The following IPO5 variants were observed in gnomAD, a reference collection of about 807,000 sequenced individuals.
IPO5 encodes the protein importin 5, also known as importin-5.
Under a neutral mutation model 143.3 loss-of-function variants are expected in IPO5, and 18 were observed. That is an observed-to-expected ratio of 0.13 (90% CI 0.09 to 0.19). IPO5 has a LOEUF of 0.19. Ranked by LOEUF, IPO5 falls within the 10% of genes least tolerant of loss-of-function variation. The probability of loss-of-function intolerance (pLI) is 1.00; values close to 1 mark genes in which losing one functional copy is unlikely to be tolerated. For missense variants in IPO5, 1,013 were observed against 1,336.9 expected (o/e 0.76, Z 3.78); for synonymous variants, 477 against 465.7 (o/e 1.02, Z -0.31).
At chr13:97,990,358 A>T (rs1887706462) in intron 8 of IPO5, 75 bp from the exon 9 acceptor site, 1 of 1,242,676 alleles carries the variant, frequency 8.0e-7, no homozygotes, top group Non-Finnish European at 1.2e-6. Context: ...GAATAATTTG[A>T]TCTTGAGTAA....
chr13:98,002,224 C>G, intron 13 of IPO5: 1 of 255,872 alleles, frequency 3.9e-6, no homozygotes. Context: ...ACCACGTTAA[C>G]CAGGATGGTC....
At position 98,021,062 on chromosome 13, in the gene IPO5, G is replaced by A; in HGVS notation, c.3136G>A (p.Glu1046Lys). 1 of 1,612,108 alleles carries A rather than the reference G, an allele frequency of 6.2e-7. No individual in the cohort carries two copies. The highest frequency in any genetic ancestry group is 1.1e-5 in the South Asian group (1 of 90,646). ...PKIFSIIAEG[E>K]MHEAIKHEDP... ...AATATTTAGTATAATTGCGGAAGGA[G>A]AAATGCACGAGGCAATTAAACATGA... Residue 1046 changes from glutamate (E) to lysine (K), a missense_variant, in exon 28 of 29, where the codon GAA becomes AAA. This residue lies in a region of IPO5 where 685 missense variants were observed against 994.9 expected (regional missense o/e 0.69). Transcript: ENST00000651721.
intron 5 of IPO5, 127 bp downstream of exon 5, chr13:97,982,710 T>C (rs531471643): frequency 5.9e-5 from 39 of 661,450 alleles, no homozygotes; most frequent in South Asian, 5.8e-4. Flanking sequence ...TTTGTACTTA[T>C]TATTTGCTAA....
Position 97,976,700 on chromosome 13 carries a change from G to A in IPO5, c.4G>A (p.Ala2Thr). 1 of 1,379,888 alleles carries A rather than the reference G, an allele frequency of 7.2e-7. No individual in the cohort carries two copies. The highest frequency in any genetic ancestry group is 9.6e-7 in the Non-Finnish European group (1 of 1,039,448). 85.5% of individuals were successfully genotyped at this position (1,379,888 alleles called of 1,614,324 possible). The change falls in exon 4 of 29, where the codon GCG (alanine) becomes ACG (threonine). Residue 2 changes from alanine to threonine, a missense_variant. By Grantham distance (58) the Ala-to-Thr change is moderately conservative (BLOSUM62 0). Transcript: ENST00000651721. The stretch of plus-strand genomic sequence containing the variant: ...CTTCTCTCTCACGCCTAGCGCAATG[G>A]CGGCGGCCGCGGCGGAGCAGCAACA... M[A>T]AAAAEQQQFY...
intron 12 of IPO5, among the ~76,000 whole-genome samples, chr13:97,998,303 C>G (rs1352049786): frequency 2.0e-5 from 3 of 152,164 alleles, no homozygotes; most frequent in African/African-American, 7.2e-5. Flanking sequence ...CTGTCGTACT[C>G]TAAATTATTT....
At chr13:97,979,773 C>T (rs992919675) in intron 4 of IPO5, 4 of 408,726 alleles carry the variant, frequency 9.8e-6, no homozygotes, top group Non-Finnish European at 2.0e-5. Context: ...CTCAAGTGAT[C>T]CTCCCATCTC....
At position 98,018,591 on chromosome 13, in the gene IPO5, G is replaced by A. The variant is rs1890270026; in HGVS notation, c.2723G>A (p.Arg908Lys). 6.2e-7 allele frequency: 1 copy of A among 1,614,000 alleles called. No individual in the cohort carries two copies. Among genetic ancestry groups the A allele is most frequent in the Non-Finnish European group, 8.5e-7 (1 of 1,179,996 alleles). Reference protein sequence around the residue: ...ASFKYAEYFLRPMLQYVCDNS... With the variant: ...ASFKYAEYFLKPMLQYVCDNS... ...TTTAAATACGCAGAATATTTCTTAA[G>A]ACCAATGCTCCAATATGTATGTGAC... is the stretch of plus-strand genomic sequence containing the variant. Residue 908 changes from arginine (R) to lysine (K), a missense_variant, in exon 26 of 29, where the codon AGA becomes AAA. Around this residue, in one of 2 missense-constraint regions of IPO5, gnomAD observed 685 missense variants for 994.9 expected, o/e 0.69. Coordinates refer to ENST00000651721, the MANE Select transcript of IPO5 (RefSeq NM_002271.6).
chr13:97,964,142 C>A (rs1172028591), intron 2 of IPO5, among the ~76,000 whole-genome samples: 2 of 152,124 alleles, frequency 1.3e-5, no homozygotes, highest in Non-Finnish European at 2.9e-5. Context: ...ATTCTGTAGG[C>A]TGCCTGTTCA....
At chr13:97,985,050 G>A (rs778768776) in intron 5 of IPO5, among the ~76,000 whole-genome samples, 1 of 152,148 alleles carries the variant, frequency 6.6e-6, no homozygotes, top group Non-Finnish European at 1.5e-5. Flanking sequence ...GGTGGGAAAG[G>A]CGCTTGATAT....
At chr13:97,997,505 G>C in intron 11 of IPO5, 26 bp from the exon 12 acceptor site, 2 of 1,323,990 alleles carry the variant, frequency 1.5e-6, no homozygotes, top group East Asian at 4.7e-5. Context: ...CACAGTCTTC[G>C]GGTATGAAAT....
chr13:97,983,842 T>C (rs1312444187), intron 5 of IPO5, among the ~76,000 whole-genome samples: 1 of 151,674 alleles, frequency 6.6e-6, no homozygotes, highest in Non-Finnish European at 1.5e-5. Flanking sequence ...TTAAAAGCCA[T>C]ATAAAAGTAT....
intron 26 of IPO5, among the ~76,000 whole-genome samples, 169 bp from the exon 27 acceptor site, chr13:98,019,412 C>A (rs1890335363): frequency 6.6e-6 from 1 of 152,164 alleles, no homozygotes; most frequent in African/African-American, 2.4e-5. Flanking sequence ...CTGGGGCAGT[C>A]CCCCCTCTGT....
intron 6 of IPO5, among the ~76,000 whole-genome samples, chr13:97,988,633 C>T (rs1887571219): frequency 6.6e-6 from 1 of 152,150 alleles, no homozygotes; most frequent in South Asian, 2.1e-4. Flanking sequence ...ACTAAAAATA[C>T]AAAAATTAGT....
At chr13:97,982,330 T>C (rs559210537) in intron 4 of IPO5, among the ~76,000 whole-genome samples, 173 bp from the exon 5 acceptor site, 2 of 152,372 alleles carry the variant, frequency 1.3e-5, no homozygotes, top group East Asian at 3.9e-4. Flanking sequence ...AGTAACCCTT[T>C]GGACATCTCT....
At chr13:97,983,552 C>T (rs1297715059) in intron 5 of IPO5, among the ~76,000 whole-genome samples, 1 of 118,108 alleles carries the variant, frequency 8.5e-6, no homozygotes, top group African/African-American at 3.2e-5. Context: ...CCCCCCCCAC[C>T]GTCCCCCCGA....
At chr13:97,962,245 T>C (rs771132331) in intron 2 of IPO5, among the ~76,000 whole-genome samples, 1 of 152,242 alleles carries the variant, frequency 6.6e-6, no homozygotes, top group Non-Finnish European at 1.5e-5. Context: ...AATGTATCCA[T>C]TTTTCTCTTC....
chr13:98,005,041 G>C (rs569210500), intron 16 of IPO5, among the ~76,000 whole-genome samples: 2 of 151,860 alleles, frequency 1.3e-5, no homozygotes, highest in African/African-American at 2.4e-5. Context: ...GATTACAGAC[G>C]TGCACCCACC....
Position 97,993,213 on chromosome 13 carries a change from G to A in IPO5, c.901G>A (p.Val301Ile). 1 of 1,613,940 alleles carries A rather than the reference G, an allele frequency of 6.2e-7. No homozygotes were observed. The highest frequency in any genetic ancestry group is 8.5e-7 in the Non-Finnish European group (1 of 1,179,964). The change falls in exon 11 of 29, where the codon GTT (valine) becomes ATT (isoleucine). Residue 301 changes from valine to isoleucine, a missense_variant. Transcript: ENST00000651721. ...AAMLRKHTNIVAQTIPQMLAM... is the reference protein window; with the variant it reads ...AAMLRKHTNIIAQTIPQMLAM... The stretch of plus-strand genomic sequence containing the variant: ...TATGTTAAGAAAACATACCAATATT[G>A]TTGCACAGACTAGTAAGTCAATGGT...
rs1324155540 is a variant in IPO5, at chr13:98,021,873, C to G, written c.*51C>G. The G allele has an allele frequency of 5.5e-6, 7 of 1,281,610 alleles. No homozygotes were observed. Among genetic ancestry groups the G allele is most frequent in the African/African-American group, 1.5e-5 (1 of 67,954 alleles). The allele number at this position is 1,281,610 out of a possible 1,614,324, so 79.4% of individuals were successfully genotyped here. On this transcript the variant is annotated 3_prime_UTR_variant, in exon 29 of 29. Transcript: ENST00000651721. ...AACTAACTCCAAATAAACGCTTACC[C>G]TTTCCTTTAGGTTTCTTTGTTTTGT...
Sources: allele counts gnomAD v4.1 joint callset (sites outside exome capture counted in the v4.1 genomes callset), GRCh38; gene constraint gnomAD v4.1.1; regional missense constraint gnomAD v4.1.1; transcripts MANE v1.5; gene names NCBI Gene and HGNC (gene_info 2026-07-23, HGNC 2026-07-21).